KIAA1217: variants seen among roughly 807,000 people sequenced by gnomAD.
KIAA1217 encodes sickle tail protein homolog.
KIAA1217 carries 88 observed loss-of-function variants against 163.9 expected under a neutral mutation model. That is an observed-to-expected ratio of 0.54 (90% CI 0.45 to 0.64). The LOEUF (loss-of-function observed/expected upper bound fraction) is 0.64. Ranked by LOEUF, KIAA1217 falls within the 30% of genes least tolerant of loss-of-function variation. The pLI is 0.00. For missense variants in KIAA1217, 2,372 were observed against 2,475.0 expected (o/e 0.96, Z 0.88); for synonymous variants, 903 against 923.1 (o/e 0.98, Z 0.39).
rs1169806308 is a variant in KIAA1217, at chr10:23,946,083, T to TA, written c.-320-61141dup. 2.0e-5 allele frequency among the ~76,000 whole-genome samples: 3 copies of TA among 152,126 alleles called. No individual in the cohort carries two copies. In the East Asian group the frequency reaches 5.8e-4, roughly 29 times the overall value. On this transcript the variant is annotated intron_variant, in intron 1 of 18. Transcript: ENST00000376462. ...AGTTATGGTTTTTGCCATTAATAGT[T>TA]ATGGCAGAAACCACAATTACTTTTT...
intron 1 of KIAA1217, among the ~76,000 whole-genome samples, chr10:23,752,858 C>A (rs1342684136): frequency 6.6e-6 from 1 of 152,112 alleles, no homozygotes; most frequent in African/African-American, 2.4e-5. Context: ...TTCCACAGGG[C>A]AGCCCTGTGC....
chr10:23,882,547 A>T (rs1840997046), intron 1 of KIAA1217, among the ~76,000 whole-genome samples: 1 of 151,886 alleles, frequency 6.6e-6, no homozygotes, highest in South Asian at 2.1e-4. Context: ...CCTGGGAATA[A>T]TCTGTATCCC....
Position 24,177,489 on chromosome 10 carries a change from AT to A in KIAA1217, c.-170-42136del, listed in dbSNP as rs201365513. 4.0e-3 allele frequency among the ~76,000 whole-genome samples: 610 copies of A among 151,318 alleles called. 2 individuals carry two copies. The highest frequency in any genetic ancestry group is 0.014 in the African/African-American group (590 of 41,164). Reference sequence around the variant, plus strand: ...TTGCTATAAACATGCACACGCAAGTATCTTTTTCATATAATGACTTCTTTTC... The same window carrying A: ...TTGCTATAAACATGCACACGCAAGTACTTTTTCATATAATGACTTCTTTTC... On this transcript the variant is annotated intron_variant, in intron 2 of 18. Transcript: ENST00000376462.
intron 2 of KIAA1217, among the ~76,000 whole-genome samples, chr10:24,069,591 T>TG (rs1228365650): frequency 6.6e-6 from 1 of 152,190 alleles, no homozygotes; most frequent in Non-Finnish European, 1.5e-5. Context: ...AGTGCTGTGC[T>TG]GGGGGTAGGG....
intron 2 of KIAA1217, among the ~76,000 whole-genome samples, chr10:24,295,658 G>A (rs1013256790): frequency 3.3e-5 from 5 of 152,084 alleles, no homozygotes; most frequent in Non-Finnish European, 7.4e-5. Flanking sequence ...CCTCCAACAG[G>A]CATTCCCTCC....
chr10:23,868,106 A>C lies in KIAA1217; in HGVS notation c.-320-139119A>C, dbSNP rs920046996. 1.3e-5 allele frequency among the ~76,000 whole-genome samples: 2 copies of C among 151,864 alleles called. 1 individual carries two copies. The highest frequency in any genetic ancestry group is 4.2e-4 in the South Asian group (2 of 4,810). The stretch of plus-strand genomic sequence containing the variant: ...TTCCCAGCAGGTCTACGGCCATACC[A>C]CCCTGAATGCGCCCGATCTCGTCTG... On this transcript the variant is annotated intron_variant, in intron 1 of 18. Transcript: ENST00000376462.
chr10:24,420,962 A>G (rs957840978), intron 3 of KIAA1217, among the ~76,000 whole-genome samples: 11 of 151,942 alleles, frequency 7.2e-5, no homozygotes, highest in Admixed American at 1.3e-4. Context: ...TTATTCCTCA[A>G]AATTGCCAGA....
At chr10:24,202,536 G>T (rs2067319925) in intron 2 of KIAA1217, among the ~76,000 whole-genome samples, 1 of 152,140 alleles carries the variant, frequency 6.6e-6, no homozygotes, top group Admixed American at 6.5e-5. Flanking sequence ...CTGCACCACG[G>T]CCCCCAAGCC....
intron 5 of KIAA1217, among the ~76,000 whole-genome samples, chr10:24,472,069 A>G (rs1393240903): frequency 6.6e-6 from 1 of 152,146 alleles, no homozygotes; most frequent in East Asian, 1.9e-4. Context: ...GAGAAAAGCA[A>G]ATGTTCTTAA....
intron 1 of KIAA1217, among the ~76,000 whole-genome samples, chr10:23,983,604 C>T (rs1023180049): frequency 8.5e-5 from 13 of 152,120 alleles, no homozygotes; most frequent in African/African-American, 2.2e-4. Context: ...ATGAGAACTC[C>T]GCCCCCACAA....
intron 13 of KIAA1217, among the ~76,000 whole-genome samples, chr10:24,525,156 C>T (rs967073558): frequency 1.3e-5 from 2 of 152,156 alleles, no homozygotes; most frequent in African/African-American, 4.8e-5. Flanking sequence ...ATATCGCAAC[C>T]ATGGCTGATT....
chr10:24,308,813 T>G (rs1564445562), intron 2 of KIAA1217, among the ~76,000 whole-genome samples: 1 of 152,024 alleles, frequency 6.6e-6, no homozygotes. Flanking sequence ...AACGTATTTG[T>G]TGGAATGAAT....
At chr10:23,946,888 T>C (rs528618463) in intron 1 of KIAA1217, among the ~76,000 whole-genome samples, 249 of 152,288 alleles carry the variant, frequency 1.6e-3, no homozygotes, top group Non-Finnish European at 2.9e-3. Context: ...TTGTAGTTCC[T>C]ACAATCCCCA....
chr10:23,956,399 G>C (rs1352167645), intron 1 of KIAA1217, among the ~76,000 whole-genome samples: 2 of 152,016 alleles, frequency 1.3e-5, no homozygotes, highest in Non-Finnish European at 2.9e-5. Context: ...GAACATTAGA[G>C]TAGTTTCATT....
rs148220126 is a variant in KIAA1217, at chr10:24,234,130, A to G, written c.354+14221A>G. On this transcript the variant is annotated intron_variant, in intron 2 of 20. Coordinates refer to ENST00000376454, the MANE Select transcript of KIAA1217 (RefSeq NM_019590.5). ...GAGTATCCCTAATCTGAAAATCCAA[A>G]ATGAAATGTTCCCAAATCTGAAACT... Among the ~76,000 whole-genome samples, 28 of 152,268 alleles carry G rather than the reference A, an allele frequency of 1.8e-4. No individual in the cohort carries two copies. The East Asian group carries it at 4.8e-3, about 26-fold the overall frequency.
intron 3 of KIAA1217, among the ~76,000 whole-genome samples, chr10:24,429,840 C>A (rs1418216828): frequency 6.6e-6 from 1 of 152,096 alleles, no homozygotes; most frequent in Admixed American, 6.6e-5. Context: ...CTGAATATGA[C>A]CCTCAAAAAT....
intron 2 of KIAA1217, among the ~76,000 whole-genome samples, chr10:24,009,807 T>C (rs1159233094): frequency 6.6e-6 from 1 of 152,198 alleles, no homozygotes; most frequent in Admixed American, 6.5e-5. Flanking sequence ...TTCTAGTCTC[T>C]GCTGCAGGAG....
intron 3 of KIAA1217, among the ~76,000 whole-genome samples, chr10:24,425,779 T>C (rs990454192): frequency 6.6e-6 from 1 of 152,200 alleles, no homozygotes; most frequent in Non-Finnish European, 1.5e-5. Flanking sequence ...ATGTGTACTT[T>C]GGGGGCTTTT....
At chr10:23,935,346 C>T (rs1281477290) in intron 1 of KIAA1217, among the ~76,000 whole-genome samples, 1 of 152,200 alleles carries the variant, frequency 6.6e-6, no homozygotes. Context: ...TTCTGCCCAC[C>T]TCAGATCACT....
Sources: allele counts gnomAD v4.1 joint callset (sites outside exome capture counted in the v4.1 genomes callset), GRCh38; gene constraint gnomAD v4.1.1; transcripts MANE v1.5; gene names NCBI Gene and HGNC (gene_info 2026-07-23, HGNC 2026-07-21).